Variants in PCAT7 observed in about 807,000 individuals in gnomAD.
PCAT7 encodes the protein prostate cancer associated transcript 7 (non-protein coding).
intron 1 of PCAT7, among the ~76,000 whole-genome samples, chr9:94,556,632 A>G (rs558322222): frequency 1.2e-4 from 19 of 152,260 alleles, no homozygotes; most frequent in Admixed American, 7.2e-4. Flanking sequence ...ACTTTCTTCC[A>G]TTCTCTGGGT....
chr9:94,567,377 CT>C, intron 2 of PCAT7: 1 of 1,614,120 alleles, frequency 6.2e-7, no homozygotes, highest in Non-Finnish European at 8.5e-7. Flanking sequence ...ATCTTGACAT[CT>C]TTTTCCACCA....
intron 1 of PCAT7, chr9:94,558,809 G>A (rs1237296476): frequency 2.4e-6 from 2 of 829,740 alleles, no homozygotes; most frequent in East Asian, 2.7e-5. Flanking sequence ...GTTTGTTGTT[G>A]CTCTTCTGTA....
rs970319429 is a variant in PCAT7, at chr9:94,559,263, T to C, written n.441+111T>C. On this transcript the variant is annotated intron_variant and non_coding_transcript_variant, in intron 2 of 8. Coordinates refer to ENST00000647389, the Ensembl canonical transcript of PCAT7. ...GCTAGCATGAGCGCACCATGCACCT[T>C]GCAAGAGTGGGCCCGAGCTTTAGAG... 2.5e-5 allele frequency: 18 copies of C among 733,442 alleles called. No homozygotes were observed. In the African/African-American group the frequency reaches 3.0e-4, roughly 12 times the overall value. The allele number at this position is 733,442 out of a possible 1,614,324, so 45.4% of individuals were successfully genotyped here. A position where few individuals can be genotyped will look rare whatever the true frequency, so the allele number is the denominator to read the frequency against.
intron 2 of PCAT7, chr9:94,570,144 T>G (rs693122): frequency 0.49 from 73,906 of 152,036 alleles, 18,583 homozygotes; most frequent in East Asian, 0.61. Context: ...GGGCCCTGCT[T>G]TCATGACTGA....
At chr9:94,558,328 T>A (rs1827037668) in intron 1 of PCAT7, among the ~76,000 whole-genome samples, 1 of 152,190 alleles carries the variant, frequency 6.6e-6, no homozygotes, top group Admixed American at 6.5e-5. Flanking sequence ...GGAATCTCAC[T>A]CTGTCACCCA....
upstream of PCAT7, chr9:94,554,915 T>G (rs1260363285): frequency 2.0e-5 from 3 of 152,288 alleles, no homozygotes; most frequent in African/African-American, 7.2e-5. Flanking sequence ...CAGCATGCTT[T>G]ATATACTGAG....
intron 2 of PCAT7, among the ~76,000 whole-genome samples, chr9:94,561,054 C>T (rs1439119439): frequency 3.9e-5 from 6 of 152,028 alleles, no homozygotes; most frequent in Non-Finnish European, 8.8e-5. Flanking sequence ...CCATGCTGTC[C>T]AGGACAGTCT....
At chr9:94,561,903 G>T (rs1035329209) in intron 2 of PCAT7, among the ~76,000 whole-genome samples, 1 of 152,212 alleles carries the variant, frequency 6.6e-6, no homozygotes, top group Admixed American at 6.5e-5. Flanking sequence ...ACATGAGTAT[G>T]TGATCCCATG....
chr9:94,561,409 C>T (rs1827100254), intron 2 of PCAT7, among the ~76,000 whole-genome samples: 2 of 132,294 alleles, frequency 1.5e-5, no homozygotes, highest in Non-Finnish European at 3.1e-5. Flanking sequence ...GTCACCCAGG[C>T]TGGAGTGCAG....
chr9:94,573,418 C>T (rs1479286554), intron 3 of PCAT7, among the ~76,000 whole-genome samples: 3 of 152,228 alleles, frequency 2.0e-5, no homozygotes, highest in East Asian at 1.9e-4. Flanking sequence ...ACTACCACCC[C>T]CCTCTCCAGC....
At chr9:94,564,958 AAAT>A (rs1827164103) in intron 2 of PCAT7, among the ~76,000 whole-genome samples, 1 of 152,232 alleles carries the variant, frequency 6.6e-6, no homozygotes, top group Admixed American at 6.5e-5. Flanking sequence ...CAACACAAAG[AAAT>A]AATAAATGTC....
At chr9:94,568,725 CAA>C (rs1360859979) in intron 2 of PCAT7, 1 of 152,170 alleles carries the variant, frequency 6.6e-6, no homozygotes, top group African/African-American at 2.4e-5. Flanking sequence ...GACTCAATAA[CAA>C]AAACAACTAA....
intron 1 of PCAT7, chr9:94,558,890 T>C (rs1543185): frequency 0.043 from 67,607 of 1,567,022 alleles, 3,631 homozygotes; most frequent in African/African-American, 0.22. Flanking sequence ...TTAGGGTCCT[T>C]AGACAAGGTG....
intron 3 of PCAT7, among the ~76,000 whole-genome samples, chr9:94,574,280 AC>A (rs1189544387): frequency 6.6e-6 from 1 of 152,178 alleles, no homozygotes; most frequent in Admixed American, 6.5e-5. Context: ...TTATACTTTT[AC>A]CACTAATAAT....
chr9:94,571,793 G>T (rs1827272916), intron 2 of PCAT7, among the ~76,000 whole-genome samples: 1 of 152,230 alleles, frequency 6.6e-6, no homozygotes, highest in African/African-American at 2.4e-5. Context: ...CCATGGCAAA[G>T]GCCATTCTTG....
intron 2 of PCAT7, among the ~76,000 whole-genome samples, chr9:94,561,226 G>A (rs1827094151): frequency 6.6e-6 from 1 of 152,080 alleles, no homozygotes. Context: ...AGTACCTAAT[G>A]CGCTTGTCTT....
At chr9:94,566,077 T>G (rs1827185391) in intron 2 of PCAT7, among the ~76,000 whole-genome samples, 1 of 152,234 alleles carries the variant, frequency 6.6e-6, no homozygotes, top group Non-Finnish European at 1.5e-5. Flanking sequence ...AATCTTCTCA[T>G]CAAACAATGG....
At chr9:94,561,464 G>A (rs1009038895) in intron 2 of PCAT7, among the ~76,000 whole-genome samples, 16 of 140,266 alleles carry the variant, frequency 1.1e-4, no homozygotes, top group African/African-American at 4.0e-4. Flanking sequence ...CCAGGTTCAC[G>A]CCATTCTCCT....
chr9:94,556,003 TG>T (rs1827003803), intron 1 of PCAT7, among the ~76,000 whole-genome samples: 1 of 127,040 alleles, frequency 7.9e-6, no homozygotes, highest in African/African-American at 3.1e-5. Context: ...GGGGGGTAGA[TG>T]GGGAAAAGAG....
Sources: gnomAD v4.1 joint callset for allele counts (sites outside exome capture counted in the v4.1 genomes callset) on GRCh38, gnomAD v4.1.1 for gene constraint, MANE v1.5 for transcripts, NCBI Gene and HGNC (gene_info 2026-07-23, HGNC 2026-07-21) for gene names.